KCND2: variants seen among roughly 807,000 people sequenced by gnomAD.
KCND2 encodes potassium voltage-gated channel subfamily D member 2.
A neutral mutation model predicts 54.4 loss-of-function variants in KCND2; 16 were observed. That is an observed-to-expected ratio of 0.29 (90% CI 0.20 to 0.45). The LOEUF is 0.45. Among genes scored for constraint, KCND2 ranks in the 20% least tolerant of loss-of-function variants. The probability of loss-of-function intolerance (pLI) is 1.00; values close to 1 mark genes in which losing one functional copy is unlikely to be tolerated. For synonymous variants in KCND2, 317 were observed against 310.7 expected (o/e 1.02, Z -0.21); for missense variants, 486 against 824.2 (o/e 0.59, Z 5.02).
intron 1 of KCND2, among the ~76,000 whole-genome samples, chr7:120,676,629 A>G (rs1202675319): frequency 6.6e-6 from 1 of 152,210 alleles, no homozygotes; most frequent in Non-Finnish European, 1.5e-5. Context: ...TCATATTAAG[A>G]TAGATATATT....
intron 1 of KCND2, among the ~76,000 whole-genome samples, chr7:120,710,690 G>A (rs1006251240): frequency 6.6e-6 from 1 of 151,984 alleles, no homozygotes; most frequent in Non-Finnish European, 1.5e-5. Flanking sequence ...TTGGTACTTA[G>A]ATTGTATAAA....
intron 1 of KCND2, among the ~76,000 whole-genome samples, chr7:120,362,460 A>C (rs2116402229): frequency 6.6e-6 from 1 of 152,258 alleles, no homozygotes; most frequent in East Asian, 1.9e-4. Context: ...CAAGGCCAGG[A>C]CAGTGGTGAC....
intron 1 of KCND2, among the ~76,000 whole-genome samples, chr7:120,358,836 G>A (rs1800547218): frequency 6.6e-6 from 1 of 152,092 alleles, no homozygotes; most frequent in Non-Finnish European, 1.5e-5. Context: ...CAAATCTCTG[G>A]ATATTTCATA....
chr7:120,738,975 G>A (rs2116166543), intron 2 of KCND2, among the ~76,000 whole-genome samples: 1 of 152,114 alleles, frequency 6.6e-6, no homozygotes, highest in South Asian at 2.1e-4. Flanking sequence ...TTGAAATTTA[G>A]ATGGGAAGTT....
chr7:120,681,554 A>G (rs566396385), intron 1 of KCND2, among the ~76,000 whole-genome samples: 2 of 151,998 alleles, frequency 1.3e-5, no homozygotes, highest in East Asian at 1.9e-4. Flanking sequence ...CTCTCCATAT[A>G]TATATATATT....
chr7:120,356,561 G>A (rs1800508961), intron 1 of KCND2, among the ~76,000 whole-genome samples: 1 of 152,120 alleles, frequency 6.6e-6, no homozygotes, highest in African/African-American at 2.4e-5. Flanking sequence ...TGATTAATCA[G>A]GGTAAAGGGG....
intron 1 of KCND2, among the ~76,000 whole-genome samples, chr7:120,285,411 G>A (rs542260490): frequency 1.3e-5 from 2 of 148,632 alleles, no homozygotes; most frequent in East Asian, 2.0e-4. Context: ...AATCAAGAAA[G>A]TATTAAGTCT....
chr7:120,589,474 A>AG (rs1792643272), intron 1 of KCND2, among the ~76,000 whole-genome samples: 1 of 152,162 alleles, frequency 6.6e-6, no homozygotes, highest in South Asian at 2.1e-4. Context: ...ATTTATTATA[A>AG]GTGTAAGACT....
At chr7:120,371,213 A>G (rs745817000) in intron 1 of KCND2, among the ~76,000 whole-genome samples, 2 of 152,042 alleles carry the variant, frequency 1.3e-5, no homozygotes, top group African/African-American at 2.4e-5. Flanking sequence ...TGAGTTCAGC[A>G]GAGCCTTGCT....
chr7:120,356,007 A>C (rs1800498797), intron 1 of KCND2, among the ~76,000 whole-genome samples: 1 of 152,298 alleles, frequency 6.6e-6, no homozygotes, highest in South Asian at 2.1e-4. Flanking sequence ...TTGTATAGTA[A>C]GGAGCATTTA....
At chr7:120,323,910 C>T in intron 1 of KCND2, among the ~76,000 whole-genome samples, 1 of 79,042 alleles carries the variant, frequency 1.3e-5, no homozygotes, top group Non-Finnish European at 2.7e-5. Context: ...TTTACAGTCC[C>T]ACCAACAGTG....
At chr7:120,386,600 A>T (rs1253543975) in intron 1 of KCND2, among the ~76,000 whole-genome samples, 2 of 152,150 alleles carry the variant, frequency 1.3e-5, no homozygotes, top group South Asian at 4.1e-4. Context: ...TTTCTTTTAT[A>T]TTTAGAAAAC....
At chr7:120,514,097 T>C (rs1371716305) in intron 1 of KCND2, among the ~76,000 whole-genome samples, 1 of 152,120 alleles carries the variant, frequency 6.6e-6, no homozygotes, top group Non-Finnish European at 1.5e-5. Flanking sequence ...GCAATTGATA[T>C]ACTGATTTAT....
chr7:120,335,293 G>T (rs1584735313), intron 1 of KCND2, among the ~76,000 whole-genome samples: 1 of 147,672 alleles, frequency 6.8e-6, no homozygotes, highest in African/African-American at 2.5e-5. Flanking sequence ...AACCCAGGAG[G>T]CAGAGGTTGC....
intron 1 of KCND2, among the ~76,000 whole-genome samples, chr7:120,690,189 C>G (rs1438806005): frequency 6.6e-6 from 1 of 151,922 alleles, no homozygotes; most frequent in Non-Finnish European, 1.5e-5. Context: ...ATTATGTGCC[C>G]TAGTACTTGT....
chr7:120,641,772 C>A (rs1446463116), intron 1 of KCND2, among the ~76,000 whole-genome samples: 2 of 60,096 alleles, frequency 3.3e-5, no homozygotes, highest in African/African-American at 8.7e-5. Context: ...TTTTTTTTTG[C>A]ACATTTGATA....
intron 1 of KCND2, among the ~76,000 whole-genome samples, chr7:120,519,904 G>A (rs1791666435): frequency 6.6e-6 from 1 of 151,980 alleles, no homozygotes; most frequent in Admixed American, 6.6e-5. Context: ...TAATATTTAT[G>A]CAATCAAAGT....
At chr7:120,466,086 C>T (rs183468054) in intron 1 of KCND2, among the ~76,000 whole-genome samples, 1 of 152,166 alleles carries the variant, frequency 6.6e-6, no homozygotes, top group Non-Finnish European at 1.5e-5. Context: ...GAGCCCTACC[C>T]TCTAGATGTC....
chr7:120,459,117 C>T (rs968891247), intron 1 of KCND2, among the ~76,000 whole-genome samples: 6 of 152,032 alleles, frequency 3.9e-5, no homozygotes, highest in Non-Finnish European at 7.4e-5. Flanking sequence ...TCCCAGAAAA[C>T]AAGCCCAAGC....
Sources: allele counts gnomAD v4.1 joint callset (sites outside exome capture counted in the v4.1 genomes callset), GRCh38; gene constraint gnomAD v4.1.1; transcripts MANE v1.5; gene names NCBI Gene and HGNC (gene_info 2026-07-23, HGNC 2026-07-21).